Variants in SLC16A1 observed in about 807,000 individuals in gnomAD.
The protein encoded by SLC16A1 is monocarboxylate transporter 1.
In SLC16A1, 11 loss-of-function variants were observed where a neutral mutation model predicts 32.2. That is an observed-to-expected ratio of 0.34 (90% CI 0.21 to 0.56). The LOEUF is 0.56. SLC16A1 is among the 20% of genes least tolerant of loss of function. The pLI, the probability that SLC16A1 is intolerant of heterozygous loss-of-function variation, is 0.87. For missense variants in SLC16A1, 435 were observed against 615.0 expected (o/e 0.71, Z 3.10); for synonymous variants, 231 against 226.8 (o/e 1.02, Z -0.17).
chr1:112,934,074 A>G (rs1313978130), intron 1 of SLC16A1, among the ~76,000 whole-genome samples: 1 of 152,092 alleles, frequency 6.6e-6, no homozygotes, highest in African/African-American at 2.4e-5. Context: ...GTTAAGTAGG[A>G]AAAAAAAGCT....
At chr1:112,936,480 CAA>C (rs35673011) in intron 1 of SLC16A1, among the ~76,000 whole-genome samples, 2,194 of 54,674 alleles carry the variant, frequency 0.04, 8 homozygotes, top group African/African-American at 0.076. Flanking sequence ...GACTCTGTCT[CAA>C]AAAAAAAAAA....
At chr1:112,916,604 T>C (rs1648520621) in intron 4 of SLC16A1, among the ~76,000 whole-genome samples, 1 of 151,826 alleles carries the variant, frequency 6.6e-6, no homozygotes, top group Non-Finnish European at 1.5e-5. Flanking sequence ...CATGCTTTTC[T>C]ACACTAAGCA....
At chr1:112,938,571 A>T (rs1468464675) in intron 1 of SLC16A1, among the ~76,000 whole-genome samples, 2 of 152,188 alleles carry the variant, frequency 1.3e-5, no homozygotes, top group East Asian at 1.9e-4. Flanking sequence ...AAAGAATCTT[A>T]AAAAATATAA....
chr1:112,944,201 A>T (rs1649608923), intron 1 of SLC16A1, among the ~76,000 whole-genome samples: 2 of 152,218 alleles, frequency 1.3e-5, no homozygotes, highest in Admixed American at 1.3e-4. Context: ...CTGTAATCCC[A>T]GCACTTTGGG....
chr1:112,947,897 C>T (rs907680305), intron 1 of SLC16A1, among the ~76,000 whole-genome samples: 1 of 152,120 alleles, frequency 6.6e-6, no homozygotes, highest in Non-Finnish European at 1.5e-5. Context: ...CATGATTCAC[C>T]ATTCTCTCCA....
intron 1 of SLC16A1, among the ~76,000 whole-genome samples, chr1:112,945,623 C>T (rs7540353): frequency 0.041 from 6,105 of 147,202 alleles, 398 homozygotes; most frequent in African/African-American, 0.14. Context: ...TGCAGTGAGC[C>T]GAGATCGTGC....
chr1:112,917,646 C>T lies in SLC16A1; in HGVS notation c.760G>A (p.Asp254Asn). 6.2e-7 allele frequency: 1 copy of T among 1,614,198 alleles called. No homozygotes were observed. The highest frequency in any genetic ancestry group is 8.5e-7 in the Non-Finnish European group (1 of 1,180,040). Residue 254 changes from aspartate (D) to asparagine (N), a missense_variant, in exon 4 of 5, where the codon GAC (aspartate) becomes AAC (asparagine). Coordinates refer to ENST00000369626, the MANE Select transcript of SLC16A1 (RefSeq NM_003051.4). This position sits in a 1 kb window ranked among gnomAD's most constrained non-coding sequence, Gnocchi z 4.1. ...CCTCTGTGGGTGAATAGGGTTAAGT[C>T]CAGGAACTGATTAATTGTTTGGAAG... ...SVFQTINQFL[D>N]LTLFTHRGFL...
intron 2 of SLC16A1, chr1:112,924,093 G>A: frequency 7.6e-7 from 1 of 1,314,194 alleles, no homozygotes; most frequent in Non-Finnish European, 1.1e-6. Context: ...TGCCCTGGTA[G>A]AGAAGGCCCT....
Position 112,913,433 on chromosome 1 carries a change from A to G in SLC16A1, c.*458T>C, listed in dbSNP as rs542497983. 6.4e-6 allele frequency: 1 copy of G among 157,458 alleles called. No individual in the cohort carries two copies. Among genetic ancestry groups the G allele is most frequent in the South Asian group, 1.9e-4 (1 of 5,226 alleles). 9.8% of individuals were successfully genotyped at this position (157,458 alleles called of 1,614,324 possible). On this transcript the variant is annotated 3_prime_UTR_variant, in exon 5 of 5. Transcript: ENST00000369626. ...TTTCTGTTCATAAATCTTCCAGTGA[A>G]AATGTCTGAAATATATTACATGTAA... is the stretch of plus-strand genomic sequence containing the variant.
At chr1:112,919,480 C>G (rs1380077997) in intron 3 of SLC16A1, among the ~76,000 whole-genome samples, 1 of 151,612 alleles carries the variant, frequency 6.6e-6, no homozygotes, top group African/African-American at 2.4e-5. Context: ...TGGGACCAAC[C>G]AGAACAAATT....
intron 2 of SLC16A1, among the ~76,000 whole-genome samples, chr1:112,925,519 C>G (rs1648909544): frequency 6.6e-6 from 1 of 152,078 alleles, no homozygotes; most frequent in African/African-American, 2.4e-5. Context: ...GCTGGGACTT[C>G]AGGTGCATGC....
At position 112,917,210 on chromosome 1, in the gene SLC16A1, C is replaced by T; in HGVS notation, c.1196G>A (p.Cys399Tyr). The change falls in exon 4 of 5, where the codon TGC becomes TAC. Residue 399 changes from cysteine (C) to tyrosine (Y), a missense_variant. By Grantham distance (194) the Cys-to-Tyr change is radical. Around this residue, in one of 2 missense-constraint regions of SLC16A1, gnomAD observed 324 missense variants for 500.3 expected, o/e 0.65. Coordinates refer to ENST00000369626, the MANE Select transcript of SLC16A1 (RefSeq NM_003051.4). The surrounding 1 kb of genome is among the most constrained non-coding windows in gnomAD (Gnocchi z 4.1). ...TGGTGGCCCCAGGAGGACAGGACAG[C>T]ATTCCACAATGGTCACCAATCCCAC... ...SAVGLVTIVE[C>Y]CPVLLGPPLL... 1 of 1,614,210 alleles carries T rather than the reference C, an allele frequency of 6.2e-7. No individual in the cohort carries two copies. Among genetic ancestry groups the T allele is most frequent in the Non-Finnish European group, 8.5e-7 (1 of 1,180,034 alleles).
chr1:112,953,153 C>CTTTTTTTT (rs55766100), intron 1 of SLC16A1, among the ~76,000 whole-genome samples: 1 of 130,196 alleles, frequency 7.7e-6, no homozygotes, highest in Admixed American at 8.3e-5. Flanking sequence ...ACTGAAAATC[C>CTTTTTTTT]TTTTTTTTTT....
chr1:112,913,828 A>C lies in SLC16A1; in HGVS notation c.*63T>G. 1 of 1,581,134 alleles carries C rather than the reference A, an allele frequency of 6.3e-7. No individual in the cohort carries two copies. Among genetic ancestry groups the C allele is most frequent in the South Asian group, 1.1e-5 (1 of 90,360 alleles). ...GAGCACCACTGGTAGATTACAGGCC[A>C]GTAGAATATTTTCAGATATCCTGGG... On this transcript the variant is annotated 3_prime_UTR_variant, in exon 5 of 5. Coordinates refer to ENST00000369626, the MANE Select transcript of SLC16A1 (RefSeq NM_003051.4).
chr1:112,938,009 C>T (rs1557852606), intron 1 of SLC16A1, among the ~76,000 whole-genome samples: 1 of 152,082 alleles, frequency 6.6e-6, no homozygotes, highest in Non-Finnish European at 1.5e-5. Context: ...AAGCTGTGCT[C>T]CATACCTGCC....
chr1:112,947,475 C>T (rs1047984075), intron 1 of SLC16A1, among the ~76,000 whole-genome samples: 2 of 152,126 alleles, frequency 1.3e-5, no homozygotes, highest in African/African-American at 4.8e-5. Flanking sequence ...AGATAAACAA[C>T]AGAGAAAGCT....
intron 1 of SLC16A1, among the ~76,000 whole-genome samples, chr1:112,953,549 A>G (rs988464987): frequency 1.3e-5 from 2 of 151,948 alleles, no homozygotes; most frequent in African/African-American, 2.4e-5. Context: ...AATCCCTTTA[A>G]TTTTTTTACC....
rs987821069 is a variant in SLC16A1, at chr1:112,912,246, T to C, written c.*1645A>G. ...TACACAAATATCAAGGTTCAAAAGC[T>C]GGAGGATTTAATTCAATCAATTTAG... On this transcript the variant is annotated 3_prime_UTR_variant, in exon 5 of 5. Coordinates refer to ENST00000369626, the MANE Select transcript of SLC16A1 (RefSeq NM_003051.4). 14 of 152,218 alleles carry C rather than the reference T, an allele frequency of 9.2e-5. No homozygotes were observed. Among genetic ancestry groups the C allele is most frequent in the African/African-American group, 3.4e-4 (14 of 41,472 alleles). 9.4% of individuals were successfully genotyped at this position (152,218 alleles called of 1,614,324 possible).
intron 1 of SLC16A1, among the ~76,000 whole-genome samples, chr1:112,946,520 AAAG>A (rs1384576043): frequency 6.6e-6 from 1 of 152,120 alleles, no homozygotes; most frequent in African/African-American, 2.4e-5. Context: ...CTCTACAGTG[AAAG>A]AAGCAGAAAA....
Sources: allele counts gnomAD v4.1 joint callset (sites outside exome capture counted in the v4.1 genomes callset), GRCh38; gene constraint gnomAD v4.1.1; regional missense constraint gnomAD v4.1.1; non-coding constraint Gnocchi (gnomAD v3.1); transcripts MANE v1.5; gene names NCBI Gene and HGNC (gene_info 2026-07-23, HGNC 2026-07-21).